Variants in GRIK1 observed in about 807,000 individuals in gnomAD.
The protein encoded by GRIK1 is glutamate ionotropic receptor kainate type subunit 1, also known as glutamate receptor ionotropic, kainate 1.
Under a neutral mutation model 105.7 loss-of-function variants are expected in GRIK1, and 69 were observed. The observed-to-expected ratio is 0.65, with a 90% CI of 0.54 to 0.80. GRIK1 has a LOEUF of 0.80. GRIK1 is among the 30% of genes least tolerant of loss of function. The pLI is 0.00. For synonymous variants in GRIK1, 438 were observed against 431.3 expected, an observed-to-expected ratio of 1.02 and a Z score of -0.19; for missense variants, 1,109 against 1,167.3, an observed-to-expected ratio of 0.95 and a Z score of 0.73.
At chr21:29,638,656 C>A (rs566786294) in intron 7 of GRIK1, among the ~76,000 whole-genome samples, 1 of 152,182 alleles carries the variant, frequency 6.6e-6, no homozygotes, top group South Asian at 2.1e-4. Context: ...AAAACTAGTT[C>A]AAAGGAGGAT....
intron 1 of GRIK1, among the ~76,000 whole-genome samples, chr21:29,868,417 C>G (rs2068899696): frequency 6.6e-6 from 1 of 152,152 alleles, no homozygotes; most frequent in Non-Finnish European, 1.5e-5. Context: ...TGAGTAGAAT[C>G]CTGTTAGAAG....
intron 1 of GRIK1, among the ~76,000 whole-genome samples, chr21:29,696,338 G>T (rs2063701617): frequency 6.6e-6 from 1 of 152,232 alleles, no homozygotes; most frequent in Non-Finnish European, 1.5e-5. Flanking sequence ...ATTTGGTAAT[G>T]TTAACCTTTA....
At chr21:29,540,319 T>G (rs2089948766) in intron 16 of GRIK1, among the ~76,000 whole-genome samples, 2 of 152,336 alleles carry the variant, frequency 1.3e-5, no homozygotes, top group Middle Eastern at 6.8e-3. Flanking sequence ...AATATAAACA[T>G]AGTTTTATCA....
rs547033903 is a variant in GRIK1, at chr21:29,742,409, A to G, written c.119-48346T>C. ...AAAGTGAGCAGATCCTTCAAGTACAACATCCATTTCCTGGACCCAGAACAA... is the reference window on the plus strand; with the variant it reads ...AAAGTGAGCAGATCCTTCAAGTACAGCATCCATTTCCTGGACCCAGAACAA... On this transcript the variant is annotated intron_variant, in intron 1 of 17. Coordinates refer to ENST00000327783, the MANE Select transcript of GRIK1 (RefSeq NM_001330994.2). Among the ~76,000 whole-genome samples the G allele has an allele frequency of 9.8e-5, 15 of 152,312 alleles. No homozygotes were observed. In the South Asian group the frequency reaches 2.5e-3, roughly 25 times the overall value.
chr21:29,800,435 T>G (rs2066674339), intron 1 of GRIK1, among the ~76,000 whole-genome samples: 1 of 152,240 alleles, frequency 6.6e-6, no homozygotes, highest in African/African-American at 2.4e-5. Context: ...AAGCAAGCAT[T>G]ACAAGTCAGC....
chr21:29,694,094 G>A (rs111565125), intron 1 of GRIK1, 31 bp from the exon 2 acceptor site: 514 of 1,157,392 alleles, frequency 4.4e-4, no homozygotes, highest in Non-Finnish European at 6.4e-4. Flanking sequence ...CATGAGAAGC[G>A]TTAGTCACAT....
chr21:29,835,542 C>A (rs2067772276), intron 1 of GRIK1, among the ~76,000 whole-genome samples: 1 of 152,096 alleles, frequency 6.6e-6, no homozygotes, highest in South Asian at 2.1e-4. Flanking sequence ...CCTCTGAATC[C>A]CACAATCCCA....
chr21:29,766,008 C>T (rs951920216), intron 1 of GRIK1, among the ~76,000 whole-genome samples: 4 of 152,072 alleles, frequency 2.6e-5, no homozygotes, highest in South Asian at 2.1e-4. Flanking sequence ...CCCGCCACCA[C>T]GCCCGGCTAA....
At chr21:29,861,083 AT>A (rs2068621188) in intron 1 of GRIK1, among the ~76,000 whole-genome samples, 1 of 152,048 alleles carries the variant, frequency 6.6e-6, no homozygotes, top group Non-Finnish European at 1.5e-5. Context: ...AGTCATTGAA[AT>A]TTTTTGCAAA....
At chr21:29,559,202 T>C (rs549207900) in intron 15 of GRIK1, among the ~76,000 whole-genome samples, 15 of 152,316 alleles carry the variant, frequency 9.8e-5, no homozygotes, top group African/African-American at 3.1e-4. Flanking sequence ...AGGTACCTAC[T>C]CTTGGTGTTC....
At chr21:29,829,898 A>G (rs952085695) in intron 1 of GRIK1, among the ~76,000 whole-genome samples, 1 of 152,134 alleles carries the variant, frequency 6.6e-6, no homozygotes, top group Non-Finnish European at 1.5e-5. Context: ...GGATAATCAC[A>G]CTAGTAATTG....
At chr21:29,626,849 C>G (rs929207025) in intron 7 of GRIK1, among the ~76,000 whole-genome samples, 7 of 152,078 alleles carry the variant, frequency 4.6e-5, no homozygotes, top group African/African-American at 1.2e-4. Context: ...TCCTTTTTGC[C>G]CTGGATGCCT....
intron 1 of GRIK1, among the ~76,000 whole-genome samples, chr21:29,896,903 T>C (rs1048667970): frequency 6.6e-6 from 1 of 152,140 alleles, no homozygotes; most frequent in African/African-American, 2.4e-5. Flanking sequence ...CCCCTCATTT[T>C]TAGAAAGGAG....
At chr21:29,548,124 A>G (rs2090075596) in intron 16 of GRIK1, among the ~76,000 whole-genome samples, 1 of 152,178 alleles carries the variant, frequency 6.6e-6, no homozygotes, top group Non-Finnish European at 1.5e-5. Flanking sequence ...ACTTTATTCC[A>G]TCATCCAGGT....
chr21:29,636,762 A>G (rs1342731033), intron 7 of GRIK1, among the ~76,000 whole-genome samples: 1 of 152,216 alleles, frequency 6.6e-6, no homozygotes, highest in East Asian at 1.9e-4. Context: ...ACCTGCTTCA[A>G]TCATACCTAT....
At chr21:29,748,525 T>C (rs391460) in intron 1 of GRIK1, among the ~76,000 whole-genome samples, 119,741 of 152,228 alleles carry the variant, frequency 0.79, 49,149 homozygotes, top group South Asian at 0.91. Context: ...GCCAGAGACA[T>C]GACAATTTGG....
chr21:29,603,264 G>A (rs2061551792), intron 7 of GRIK1, among the ~76,000 whole-genome samples: 1 of 151,676 alleles, frequency 6.6e-6, no homozygotes, highest in South Asian at 2.1e-4. Context: ...AATGATATGT[G>A]GACAAGAAAA....
intron 1 of GRIK1, among the ~76,000 whole-genome samples, chr21:29,867,923 AGAAAGAGAGAGAAAG>A (rs1342441216): frequency 3.6e-5 from 5 of 137,372 alleles, no homozygotes; most frequent in African/African-American, 1.5e-4. Flanking sequence ...AGAGAAAGAG[AGAAAGAGAGAGAAAG>A]AGAGAGAGAA....
intron 1 of GRIK1, among the ~76,000 whole-genome samples, chr21:29,802,578 T>C (rs1245522945): frequency 6.6e-6 from 1 of 152,194 alleles, no homozygotes; most frequent in Non-Finnish European, 1.5e-5. Flanking sequence ...ATTGATTCAC[T>C]GTGCATCACG....
Sources: allele counts gnomAD v4.1 joint callset (sites outside exome capture counted in the v4.1 genomes callset), GRCh38; gene constraint gnomAD v4.1.1; transcripts MANE v1.5; gene names NCBI Gene and HGNC (gene_info 2026-07-23, HGNC 2026-07-21).